The following WDPCP variants were observed in gnomAD, a reference collection of about 807,000 sequenced individuals.
The protein encoded by WDPCP is WD repeat containing planar cell polarity effector, also known as WD repeat-containing and planar cell polarity effector protein fritz homolog.
A neutral mutation model predicts 93.1 loss-of-function variants in WDPCP; 71 were observed. The observed-to-expected ratio is 0.76, with a 90% confidence interval of 0.63 to 0.93. The LOEUF is 0.93. Ranked by LOEUF, WDPCP falls within the 40% of genes least tolerant of loss-of-function variation. WDPCP has a pLI of 0.00. For missense variants in WDPCP, 844 were observed against 887.4 expected (o/e 0.95, Z 0.62); for synonymous variants, 315 against 315.0 (o/e 1.00, Z 0.00).
intron 1 of WDPCP, among the ~76,000 whole-genome samples, chr2:63,554,858 G>A (rs1448321788): frequency 6.6e-6 from 1 of 152,140 alleles, no homozygotes; most frequent in Non-Finnish European, 1.5e-5. Context: ...GCAGGGTGGT[G>A]TGACAGCCCA....
upstream of WDPCP, among the ~76,000 whole-genome samples, chr2:63,832,818 T>C (rs1218134035): frequency 2.0e-5 from 3 of 152,174 alleles, no homozygotes; most frequent in Non-Finnish European, 4.4e-5. Context: ...TTATAGTCTA[T>C]GAAGGGGAAA....
chr2:63,624,699 AC>A (rs1214965350), intron 3 of WDPCP, among the ~76,000 whole-genome samples: 2 of 152,172 alleles, frequency 1.3e-5, no homozygotes, highest in African/African-American at 4.8e-5. Context: ...TAGCTTACCA[AC>A]CAAAAAAAGC....
intron 14 of WDPCP, among the ~76,000 whole-genome samples, chr2:63,198,283 C>G (rs143662632): frequency 6.6e-6 from 1 of 152,282 alleles, no homozygotes; most frequent in African/African-American, 2.4e-5. Context: ...CATTGGGATA[C>G]CAATATACTC....
chr2:63,796,165 C>T (rs898264996), intron 2 of WDPCP, among the ~76,000 whole-genome samples: 1 of 152,176 alleles, frequency 6.6e-6, no homozygotes, highest in Non-Finnish European at 1.5e-5. Flanking sequence ...GATACATGGA[C>T]CTGCTGCAGC....
intron 1 of WDPCP, among the ~76,000 whole-genome samples, chr2:63,497,111 CAAAAAAAAAAA>C (rs10667775): frequency 2.8e-5 from 2 of 72,482 alleles, no homozygotes; most frequent in Non-Finnish European, 4.9e-5. Context: ...GACTCCATCT[CAAAAAAAAAAA>C]AAAAAAAAAA....
At chr2:63,452,824 C>T (rs569864309) in intron 6 of WDPCP, among the ~76,000 whole-genome samples, 17 of 152,180 alleles carry the variant, frequency 1.1e-4, no homozygotes, top group Non-Finnish European at 2.1e-4. Context: ...ACAAACCTGA[C>T]AAAAACAAGA....
chr2:63,705,281 T>C (rs1056261916), intron 2 of WDPCP, among the ~76,000 whole-genome samples: 1 of 152,220 alleles, frequency 6.6e-6, no homozygotes, highest in Non-Finnish European at 1.5e-5. Flanking sequence ...TGAAGGGTTT[T>C]TTGTGTCTCT....
chr2:63,149,951 T>C (rs1385515211), intron 17 of WDPCP, among the ~76,000 whole-genome samples: 1 of 152,078 alleles, frequency 6.6e-6, no homozygotes, highest in Non-Finnish European at 1.5e-5. Flanking sequence ...CAGTGAGCTG[T>C]ATTCATGCAA....
chr2:63,597,279 C>T, intron 3 of WDPCP: 2 of 1,248,464 alleles, frequency 1.6e-6, no homozygotes, highest in Non-Finnish European at 2.0e-6. Context: ...AAATGTATAT[C>T]AGTGTGATAT....
chr2:63,267,788 G>A (rs1559264625), intron 13 of WDPCP, among the ~76,000 whole-genome samples: 1 of 152,132 alleles, frequency 6.6e-6, no homozygotes, highest in Non-Finnish European at 1.5e-5. Flanking sequence ...CCTCATGCCT[G>A]TTAGAATAGC....
At chr2:63,243,621 TATAATG>T (rs1293754781) in intron 14 of WDPCP, among the ~76,000 whole-genome samples, 2 of 152,140 alleles carry the variant, frequency 1.3e-5, no homozygotes, top group Non-Finnish European at 2.9e-5. Flanking sequence ...AAGGGTATCA[TATAATG>T]ATAAAGTGTT....
At chr2:63,229,447 A>G (rs1175327164) in intron 14 of WDPCP, 1 of 151,442 alleles carries the variant, frequency 6.6e-6, no homozygotes, top group East Asian at 1.9e-4. Context: ...ATTAGATCCC[A>G]TTTGTCAATT....
chr2:63,808,322 C>CCCTCTCT lies in WDPCP; in HGVS notation n.308+5299_308+5300insAGAGAGG, dbSNP rs1175347468. Among the ~76,000 whole-genome samples the CCCTCTCT allele has an allele frequency of 4.3e-4, 42 of 98,076 alleles. No individual in the cohort carries two copies. The East Asian group carries it at 8.1e-3, about 19-fold the overall frequency. 64.3% of individuals were successfully genotyped at this position (98,076 alleles called of 152,430 possible). On this transcript the variant is annotated intron_variant and non_coding_transcript_variant, in intron 2 of 4. Transcript: ENST00000467687. ...CCTCTCCCTCTCCCCTCTCCCTCTC[C>CCCTCTCT]CCTCTCCCCTCTCCCCTCTCCCCAC...
intron 2 of WDPCP, among the ~76,000 whole-genome samples, chr2:63,745,379 C>A (rs1669779667): frequency 6.6e-6 from 1 of 152,168 alleles, no homozygotes; most frequent in African/African-American, 2.4e-5. Flanking sequence ...ATGATCGTAT[C>A]AACTGGCAAT....
chr2:63,295,344 A>G (rs1384993114), intron 13 of WDPCP, among the ~76,000 whole-genome samples: 1 of 152,134 alleles, frequency 6.6e-6, no homozygotes, highest in African/African-American at 2.4e-5. Context: ...ATCAAAAGAC[A>G]TATTAACAGA....
chr2:63,831,437 G>C (rs147633447), upstream of WDPCP, among the ~76,000 whole-genome samples: 39 of 152,126 alleles, frequency 2.6e-4, no homozygotes, highest in African/African-American at 8.7e-4. Context: ...TTGCTCCACA[G>C]GTCATTATAT....
At chr2:63,446,299 G>C (rs75768976) in intron 6 of WDPCP, among the ~76,000 whole-genome samples, 3,097 of 152,274 alleles carry the variant, frequency 0.02, 122 homozygotes, top group African/African-American at 0.071. Context: ...TGTCAGATCA[G>C]CTGCAGCATT....
At chr2:63,176,645 T>C (rs1052601373) in intron 14 of WDPCP, among the ~76,000 whole-genome samples, 6 of 152,194 alleles carry the variant, frequency 3.9e-5, no homozygotes, top group Admixed American at 2.0e-4. Context: ...GTCTAGATAT[T>C]AATGCTTTGT....
At chr2:63,805,998 T>C (rs1350280805) in intron 2 of WDPCP, among the ~76,000 whole-genome samples, 1 of 152,046 alleles carries the variant, frequency 6.6e-6, no homozygotes, top group African/African-American at 2.4e-5. Flanking sequence ...TGAGCACCTG[T>C]AGTCCCAGGG....
Sources: gnomAD v4.1 joint callset for allele counts (sites outside exome capture counted in the v4.1 genomes callset) on GRCh38, gnomAD v4.1.1 for gene constraint, MANE v1.5 for transcripts, NCBI Gene and HGNC (gene_info 2026-07-23, HGNC 2026-07-21) for gene names.